Variants in SPATA6 observed in about 807,000 individuals in gnomAD.
SPATA6 encodes the protein spermatogenesis-associated protein 6.
SPATA6 carries 56 observed loss-of-function variants against 65.3 expected under a neutral mutation model. The observed-to-expected ratio is 0.86, with a 90% CI of 0.69 to 1.07. The LOEUF (loss-of-function observed/expected upper bound fraction) is 1.07, where lower values mean the gene tolerates loss of function less well. Ranked by LOEUF, SPATA6 falls within the 50% of genes least tolerant of loss-of-function variation. The probability of loss-of-function intolerance (pLI) is 0.00; values close to 1 mark genes in which losing one functional copy is unlikely to be tolerated. For synonymous variants in SPATA6, 199 were observed against 213.2 expected (o/e 0.93, Z 0.58); for missense variants, 590 against 594.8 (o/e 0.99, Z 0.08).
intron 10 of SPATA6, among the ~76,000 whole-genome samples, chr1:48,357,932 C>T (rs1031964935): frequency 6.6e-6 from 1 of 152,026 alleles, no homozygotes; most frequent in African/African-American, 2.4e-5. Flanking sequence ...ACTAAATTGC[C>T]ATTGTATTCT....
chr1:48,345,198 A>G (rs906247966), intron 11 of SPATA6, among the ~76,000 whole-genome samples: 38 of 150,892 alleles, frequency 2.5e-4, no homozygotes, highest in Admixed American at 1.7e-3. Context: ...CCATTCAAAC[A>G]GATACAATTA....
chr1:48,315,443 A>G (rs1645381770), intron 11 of SPATA6, among the ~76,000 whole-genome samples: 1 of 152,220 alleles, frequency 6.6e-6, no homozygotes, highest in Admixed American at 6.5e-5. Context: ...CAAAAACGAC[A>G]TGATTATCTC....
chr1:48,426,645 A>T lies in SPATA6; in HGVS notation c.239-13494T>A, dbSNP rs529298137. On this transcript the variant is annotated intron_variant, in intron 3 of 12. Coordinates refer to ENST00000371847, the MANE Select transcript of SPATA6 (RefSeq NM_019073.4). ...CCTTCTAAGAGATAAGAAAAAAAAAATTTTTTTAATTTAAATTCAATTAAA... is the reference window on the plus strand; with the variant it reads ...CCTTCTAAGAGATAAGAAAAAAAAATTTTTTTTAATTTAAATTCAATTAAA... Among the ~76,000 whole-genome samples, 481 of 152,044 alleles carry T rather than the reference A, an allele frequency of 3.2e-3. 1 individual carries two copies. Among genetic ancestry groups the T allele is most frequent in the South Asian group, 7.1e-3 (34 of 4,814 alleles).
intron 3 of SPATA6, among the ~76,000 whole-genome samples, chr1:48,426,164 C>G (rs1054562708): frequency 6.6e-6 from 1 of 152,022 alleles, no homozygotes; most frequent in African/African-American, 2.4e-5. Flanking sequence ...GAAAAACGGG[C>G]AAAAGACAGG....
At chr1:48,285,242 C>T in the SPATA6 span, among the ~76,000 whole-genome samples, 1 of 152,082 alleles carries the variant, frequency 6.6e-6, no homozygotes, top group Non-Finnish European at 1.5e-5. Flanking sequence ...GGGAAAACTG[C>T]CTACTCAAGC....
At chr1:48,388,360 A>G (rs1011715201) in intron 8 of SPATA6, among the ~76,000 whole-genome samples, 1 of 152,176 alleles carries the variant, frequency 6.6e-6, no homozygotes, top group Non-Finnish European at 1.5e-5. Flanking sequence ...ACAAAAGCAA[A>G]TTCAAAAAAT....
At chr1:48,445,476 T>A (rs918013554) in intron 3 of SPATA6, among the ~76,000 whole-genome samples, 4 of 151,754 alleles carry the variant, frequency 2.6e-5, no homozygotes, top group Non-Finnish European at 2.9e-5. Context: ...CTGGCTAACA[T>A]GGTAAAACCC....
intron 11 of SPATA6, among the ~76,000 whole-genome samples, chr1:48,322,621 T>C (rs966183672): frequency 6.6e-6 from 1 of 152,128 alleles, no homozygotes; most frequent in African/African-American, 2.4e-5. Context: ...CTGTCATCAG[T>C]GTGAACAGGC....
intron 3 of SPATA6, among the ~76,000 whole-genome samples, chr1:48,418,584 T>G (rs1215398335): frequency 1.5e-5 from 2 of 131,100 alleles, no homozygotes; most frequent in Non-Finnish European, 3.2e-5. Flanking sequence ...AAAAATTAGC[T>G]GGGCCTGGTG....
At chr1:48,283,403 G>A in the SPATA6 span, among the ~76,000 whole-genome samples, 2 of 151,304 alleles carry the variant, frequency 1.3e-5, no homozygotes, top group Admixed American at 6.6e-5. Context: ...TTTCTTGGCT[G>A]GGCGCAGTGG....
chr1:48,409,989 G>A (rs1652064652), intron 5 of SPATA6, among the ~76,000 whole-genome samples: 1 of 152,214 alleles, frequency 6.6e-6, no homozygotes, highest in Non-Finnish European at 1.5e-5. Context: ...TCAGCTCCTT[G>A]TTACTTATGC....
chr1:48,389,271 A>G (rs1649810133), intron 8 of SPATA6, among the ~76,000 whole-genome samples: 1 of 152,198 alleles, frequency 6.6e-6, no homozygotes, highest in South Asian at 2.1e-4. Context: ...AATGAACAAA[A>G]CCTTTGTGAT....
At chr1:48,367,239 G>T (rs148617760) in intron 9 of SPATA6, among the ~76,000 whole-genome samples, 2,254 of 152,330 alleles carry the variant, frequency 0.015, 54 homozygotes, top group African/African-American at 0.051. Flanking sequence ...TTCGGAATAA[G>T]TGTGGTGTGG....
rs1424136247 is a variant in SPATA6 at position 48,297,371 on chromosome 1, A to G, written c.*1342T>C. ...GAAAACGGCAGACATGGGATACTAA[A>G]GCCTAGGACTCCTGGCTCATAGAGA... On this transcript the variant is annotated 3_prime_UTR_variant, in exon 13 of 13. Coordinates refer to ENST00000371847, the MANE Select transcript of SPATA6 (RefSeq NM_019073.4). 1.3e-5 allele frequency: 2 copies of G among 152,074 alleles called. No individual in the cohort carries two copies. The highest frequency in any genetic ancestry group is 2.9e-5 in the Non-Finnish European group (2 of 68,000). 9.4% of individuals were successfully genotyped at this position (152,074 alleles called of 1,614,324 possible).
intron 3 of SPATA6, among the ~76,000 whole-genome samples, chr1:48,442,739 A>AC (rs1655637028): frequency 6.6e-6 from 1 of 150,488 alleles, no homozygotes; most frequent in Non-Finnish European, 1.5e-5. Context: ...AAAAAAAAAA[A>AC]AAAAAACAGT....
At chr1:48,418,795 A>AGGAAGAAG (rs1471583161) in intron 3 of SPATA6, among the ~76,000 whole-genome samples, 4 of 123,186 alleles carry the variant, frequency 3.2e-5, no homozygotes, top group East Asian at 2.5e-4. Context: ...AAGGGAAGGA[A>AGGAAGAAG]GGAAGGAGGG....
In SPATA6 at chr1:48,331,426, C is replaced by A. The variant is rs376259567; in HGVS notation, c.1194+24244G>T. The stretch of plus-strand genomic sequence containing the variant: ...AAAAAAAAAAAACCTACAAAAATTT[C>A]ATATATCACAAGTATTAACAGCAGA... On this transcript the variant is annotated intron_variant, in intron 11 of 12. Coordinates refer to ENST00000371847, the MANE Select transcript of SPATA6 (RefSeq NM_019073.4). Among the ~76,000 whole-genome samples the A allele has an allele frequency of 1.3e-4, 20 of 151,132 alleles. No homozygotes were observed. The South Asian group carries it at 4.2e-3, about 31-fold the overall frequency.
At chr1:48,336,106 G>A (rs1018621618) in intron 11 of SPATA6, among the ~76,000 whole-genome samples, 1 of 152,014 alleles carries the variant, frequency 6.6e-6, no homozygotes, top group African/African-American at 2.4e-5. Flanking sequence ...AGTCAGAATG[G>A]CTATCGTTAA....
intron 9 of SPATA6, among the ~76,000 whole-genome samples, chr1:48,384,117 C>A (rs1040467723): frequency 6.6e-6 from 1 of 150,588 alleles, no homozygotes; most frequent in South Asian, 2.1e-4. Context: ...GCGGATCACT[C>A]GTGGCTAGGA....
Sources: allele counts gnomAD v4.1 joint callset (sites outside exome capture counted in the v4.1 genomes callset), GRCh38; gene constraint gnomAD v4.1.1; transcripts MANE v1.5; gene names NCBI Gene and HGNC (gene_info 2026-07-23, HGNC 2026-07-21).